Variants in GSG1 observed in about 807,000 individuals in gnomAD.
GSG1 encodes germ cell associated 1, also known as germ cell-specific gene 1 protein.
In GSG1, 28 loss-of-function variants were observed where a neutral mutation model predicts 30.8. The ratio of observed to expected loss-of-function variants is 0.91; its 90% CI spans 0.67 to 1.25. The LOEUF (loss-of-function observed/expected upper bound fraction) is 1.25. GSG1 is among the 50% of genes most tolerant of loss of function. The pLI is 0.00. For missense variants in GSG1, 435 were observed against 444.7 expected, an observed-to-expected ratio of 0.98 and a Z score of 0.20; for synonymous variants, 162 against 178.0, an observed-to-expected ratio of 0.91 and a Z score of 0.71.
rs1157237751 is a variant in GSG1 at position 13,088,925 on chromosome 12, T to A, written c.434-16A>T. Reference sequence around the variant, plus strand: ...CACCTCTCCCCTGAAACATACAAGGTACAACGTCATGGAGCTACTCCCTGG... The same window carrying A: ...CACCTCTCCCCTGAAACATACAAGGAACAACGTCATGGAGCTACTCCCTGG... On this transcript the variant is annotated splice_polypyrimidine_tract_variant and intron_variant, in intron 3 of 6. Transcript: ENST00000651961. The A allele has an allele frequency of 1.9e-6, 3 of 1,613,932 alleles. No individual in the cohort carries two copies. Among genetic ancestry groups the A allele is most frequent in the Non-Finnish European group, 2.5e-6 (3 of 1,179,882 alleles).
intron 1 of GSG1, among the ~76,000 whole-genome samples, chr12:13,097,814 GC>G (rs1256162560): frequency 6.6e-6 from 1 of 152,144 alleles, no homozygotes; most frequent in East Asian, 1.9e-4. Context: ...CTCTGTATCC[GC>G]CCCCGGCCGT....
Position 13,090,614 on chromosome 12 carries a change from A to G in GSG1, c.253T>C (p.Ser85Pro), listed in dbSNP as rs1377149131. The change falls in exon 2 of 7, where the codon TCC (serine) becomes CCC (proline). Residue 85 changes from serine (S) to proline (P), a missense_variant. By Grantham distance (74) the Ser-to-Pro change is moderately conservative. Transcript: ENST00000651961. ...TTGTATTGTACCACCTCCTGGGTGGATGTGTTGGTATCTCCATCCAGGGAC... is the reference window on the plus strand; with the variant it reads ...TTGTATTGTACCACCTCCTGGGTGGGTGTGTTGGTATCTCCATCCAGGGAC... Reference protein sequence around the residue: ...PVSLDGDTNTSTQEVVQYNWE... With the variant: ...PVSLDGDTNTPTQEVVQYNWE... The G allele has an allele frequency of 6.2e-7, 1 of 1,614,044 alleles. No homozygotes were observed. Among genetic ancestry groups the G allele is most frequent in the Non-Finnish European group, 8.5e-7 (1 of 1,180,022 alleles).
At chr12:13,087,854 G>C in intron 5 of GSG1, 53 bp downstream of exon 5, 1 of 1,582,776 alleles carries the variant, frequency 6.3e-7, no homozygotes. Context: ...TCCAGCTAGG[G>C]CTTCAAAAGT....
At chr12:13,085,377 G>T in intron 6 of GSG1, 134 bp from the exon 7 acceptor site, 1 of 754,462 alleles carries the variant, frequency 1.3e-6, no homozygotes, top group Non-Finnish European at 2.1e-6. Context: ...CATGTTTCAG[G>T]TAAAGAACTG....
intron 1 of GSG1, 96 bp from the exon 2 acceptor site, chr12:13,090,914 G>T (rs903902856): frequency 9.7e-7 from 1 of 1,027,774 alleles, no homozygotes; most frequent in Non-Finnish European, 1.4e-6. Flanking sequence ...CACTCCCTCC[G>T]CTCAAGCCAT....
chr12:13,085,376 G>A, intron 6 of GSG1, 133 bp from the exon 7 acceptor site: 2 of 763,126 alleles, frequency 2.6e-6, no homozygotes, highest in Non-Finnish European at 4.1e-6. Context: ...CCATGTTTCA[G>A]GTAAAGAACT....
chr12:13,097,896 G>A (rs774241888), intron 1 of GSG1, among the ~76,000 whole-genome samples: 2 of 152,142 alleles, frequency 1.3e-5, no homozygotes, highest in Non-Finnish European at 2.9e-5. Flanking sequence ...TTCGTTTAGG[G>A]AATCAAAGGC....
rs371402588 is a variant in GSG1, at chr12:13,087,110, G to T, written c.746+42C>A. 5.8e-6 allele frequency: 8 copies of T among 1,367,588 alleles called. No individual in the cohort carries two copies. The African/African-American group carries it at 1.0e-4, about 17-fold the overall frequency. 84.7% of individuals were successfully genotyped at this position (1,367,588 alleles called of 1,614,324 possible). On this transcript the variant is annotated intron_variant, in intron 6 of 6. Coordinates refer to ENST00000651961, the MANE Select transcript of GSG1 (RefSeq NM_001080555.4). ...GCTGAGGGCAGAAAATCTCGTGAAG[G>T]TTGGCTGGGGCTACAAAGGTTCAGG...
At position 13,083,578 on chromosome 12, in the gene GSG1, G is replaced by A. The variant is rs1401846131; in HGVS notation, c.*1323C>T. 2.8e-5 allele frequency: 4 copies of A among 144,352 alleles called. No individual in the cohort carries two copies. The highest frequency in any genetic ancestry group is 7.7e-5 in the African/African-American group (3 of 38,856). The allele number at this position is 144,352 out of a possible 1,614,324, so 8.9% of individuals were successfully genotyped here. On this transcript the variant is annotated 3_prime_UTR_variant, in exon 7 of 7. Coordinates refer to ENST00000651961, the MANE Select transcript of GSG1 (RefSeq NM_001080555.4). The stretch of plus-strand genomic sequence containing the variant: ...TTTTTTTAAGTTCTAGGGTACATGT[G>A]CACAACGTGCAGATTTGTTACATAT...
chr12:13,103,019 G>C (rs1355189274), intron 1 of GSG1, among the ~76,000 whole-genome samples: 2 of 152,248 alleles, frequency 1.3e-5, no homozygotes, highest in Non-Finnish European at 2.9e-5. Flanking sequence ...ACTGTTCTCT[G>C]GCATAGAGCT....
chr12:13,095,604 C>T (rs918566257), intron 1 of GSG1: 2 of 1,614,168 alleles, frequency 1.2e-6, no homozygotes, highest in South Asian at 1.1e-5. Flanking sequence ...GTTACCTTGG[C>T]CATGGTCAGC....
chr12:13,087,053 G>T, intron 6 of GSG1, 99 bp downstream of exon 6: 1 of 744,512 alleles, frequency 1.3e-6, no homozygotes, highest in South Asian at 1.6e-5. Context: ...GAGGGATGAA[G>T]AGAAGGCAGG....
In GSG1 at chr12:13,090,774, A is replaced by C; in HGVS notation, c.93T>G (p.Ser31=). ...TGAGTGATAGCATGCTGAGGATGGC[A>C]GATAGGAGTGTCCGCTGGCCAGAGA... ...KAFSGQRTLL[S]AILSMLSLSF... Residue 31 remains serine (S), a synonymous_variant, in exon 2 of 7, where the codon TCT becomes TCG. Coordinates refer to ENST00000651961, the MANE Select transcript of GSG1 (RefSeq NM_001080555.4). The C allele has an allele frequency of 6.2e-7, 1 of 1,614,170 alleles. No individual in the cohort carries two copies. The highest frequency in any genetic ancestry group is 8.5e-7 in the Non-Finnish European group (1 of 1,180,008).
In GSG1 at chr12:13,088,857, C is replaced by G. The variant is rs778460785; in HGVS notation, c.481+5G>C. ...ACGTGGCAAATTCCAGTAGTCCTTT[C>G]TCACCTCTCTTGGCTGGTGGTGTAA... is the stretch of plus-strand genomic sequence containing the variant. On this transcript the variant is annotated splice_donor_5th_base_variant and intron_variant, in intron 4 of 6. Transcript: ENST00000651961. The G allele has an allele frequency of 1.9e-6, 3 of 1,614,188 alleles. No homozygotes were observed. Among genetic ancestry groups the G allele is most frequent in the Non-Finnish European group, 2.5e-6 (3 of 1,180,032 alleles).
At chr12:13,086,055 G>T (rs1425726973) in intron 6 of GSG1, among the ~76,000 whole-genome samples, 1 of 152,214 alleles carries the variant, frequency 6.6e-6, no homozygotes, top group Admixed American at 6.5e-5. Context: ...AGGAAGTTTT[G>T]TGAGGTTAGG....
rs867464196 is a variant in GSG1, at chr12:13,095,635, G to A, written c.49-4817C>T. 6 of 1,614,206 alleles carry A rather than the reference G, an allele frequency of 3.7e-6. No homozygotes were observed. In the African/African-American group the frequency reaches 8.0e-5, roughly 22 times the overall value. ...TCAGCGTCTTGCAGCTTGTCTGGAA[G>A]AACCGAAGGATGCCATCTGCACTCC... On this transcript the variant is annotated intron_variant, in intron 1 of 6. Transcript: ENST00000651961.
At chr12:13,091,540 C>T (rs535214719) in intron 1 of GSG1, among the ~76,000 whole-genome samples, 3 of 151,526 alleles carry the variant, frequency 2.0e-5, no homozygotes, top group African/African-American at 7.3e-5. Flanking sequence ...CCTGTCTCTA[C>T]GGAAAATAAA....
At chr12:13,094,252 GAC>G (rs1227268701) in intron 1 of GSG1, among the ~76,000 whole-genome samples, 1 of 152,180 alleles carries the variant, frequency 6.6e-6, no homozygotes, top group Admixed American at 6.5e-5. Flanking sequence ...CAGGGACTAA[GAC>G]AGTGCATATC....
In GSG1 at chr12:13,087,485, TG is replaced by T. The variant is rs1865657620; in HGVS notation, c.635-223del. 2.6e-5 allele frequency among the ~76,000 whole-genome samples: 4 copies of T among 152,280 alleles called. No individual in the cohort carries two copies. In the South Asian group the frequency reaches 8.3e-4, roughly 32 times the overall value. The stretch of plus-strand genomic sequence containing the variant: ...ACCCCAGACTGTAGGCTGAGAGCTA[TG>T]GAAAAAGTCTGAGTCAAGGCTGCAC... On this transcript the variant is annotated intron_variant, in intron 5 of 6. Transcript: ENST00000651961.
Sources: allele counts gnomAD v4.1 joint callset (sites outside exome capture counted in the v4.1 genomes callset), GRCh38; gene constraint gnomAD v4.1.1; transcripts MANE v1.5; gene names NCBI Gene and HGNC (gene_info 2026-07-23, HGNC 2026-07-21).